The following CDH13 variants were observed in gnomAD, a reference collection of about 807,000 sequenced individuals.
CDH13 encodes cadherin-13.
Under a neutral mutation model 63.8 loss-of-function variants are expected in CDH13, and 24 were observed. The ratio of observed to expected loss-of-function variants is 0.38; its 90% CI spans 0.27 to 0.53. The LOEUF is 0.53. Among genes scored for constraint, CDH13 ranks in the 20% least tolerant of loss-of-function variants. The pLI is 0.85. For missense variants in CDH13, 1,049 were observed against 903.1 expected, an observed-to-expected ratio of 1.16 and a Z score of -2.07; for synonymous variants, 503 against 355.3, an observed-to-expected ratio of 1.42 and a Z score of -4.67.
chr16:82,770,324 A>T (rs1470867124), intron 1 of CDH13, among the ~76,000 whole-genome samples: 2 of 152,246 alleles, frequency 1.3e-5, no homozygotes, highest in Admixed American at 1.3e-4. Context: ...TTATAAAAGT[A>T]ATTCTCCTTA....
chr16:82,779,948 C>G (rs1324332534), intron 1 of CDH13, among the ~76,000 whole-genome samples: 2 of 152,172 alleles, frequency 1.3e-5, no homozygotes, highest in Non-Finnish European at 2.9e-5. Flanking sequence ...TATCATGTTA[C>G]TGCATCTTAC....
intron 4 of CDH13, among the ~76,000 whole-genome samples, chr16:83,153,635 C>A (rs1328303882): frequency 1.3e-5 from 2 of 152,190 alleles, no homozygotes; most frequent in Non-Finnish European, 2.9e-5. Flanking sequence ...TTAAGTTGGA[C>A]TGTTTTCACT....
intron 1 of CDH13, among the ~76,000 whole-genome samples, chr16:82,839,126 G>C (rs961524052): frequency 6.6e-6 from 1 of 152,224 alleles, no homozygotes; most frequent in Non-Finnish European, 1.5e-5. Context: ...GGTTTAGCCA[G>C]TGGAGGATTG....
rs115582669 is a variant in CDH13, at chr16:83,251,693, C to G, written c.636+34196C>G. 3.5e-3 allele frequency among the ~76,000 whole-genome samples: 534 copies of G among 152,342 alleles called. 4 individuals are homozygous for G. The highest frequency in any genetic ancestry group is 0.012 in the African/African-American group (502 of 41,578). On this transcript the variant is annotated intron_variant, in intron 5 of 13. Transcript: ENST00000567109. ...AGGCCTTCGTTGACAAGCCAAGCCT[C>G]TGACATCTGAATAGCTACGCTGAGA...
intron 1 of CDH13, among the ~76,000 whole-genome samples, chr16:82,718,891 G>A (rs145916538): frequency 4.9e-4 from 75 of 152,260 alleles, no homozygotes; most frequent in Middle Eastern, 3.4e-3. Context: ...CATATCAAGT[G>A]TCCAGAGTGA....
chr16:82,791,305 CG>C (rs1478971239), intron 1 of CDH13, among the ~76,000 whole-genome samples: 1 of 151,166 alleles, frequency 6.6e-6, no homozygotes, highest in Non-Finnish European at 1.5e-5. Flanking sequence ...CTTTTAAACA[CG>C]GGGCTTGTAA....
intron 1 of CDH13, among the ~76,000 whole-genome samples, chr16:82,846,896 T>A (rs2039280807): frequency 1.3e-5 from 2 of 151,998 alleles, no homozygotes; most frequent in Non-Finnish European, 2.9e-5. Flanking sequence ...TAGCAAAAAA[T>A]AAAATAAAAC....
intron 1 of CDH13, among the ~76,000 whole-genome samples, chr16:82,714,601 C>G (rs750365030): frequency 1.7e-4 from 25 of 149,284 alleles, no homozygotes; most frequent in Admixed American, 8.1e-4. Flanking sequence ...GTAGTTTCAG[C>G]TACTCAGGAG....
chr16:83,720,572 G>A (rs1461557224), intron 10 of CDH13, among the ~76,000 whole-genome samples: 6 of 151,852 alleles, frequency 4.0e-5, no homozygotes, highest in Admixed American at 1.3e-4. Flanking sequence ...GTGAGACCCC[G>A]TCTCTGTCTT....
chr16:83,271,367 A>G (rs11639558), intron 5 of CDH13, among the ~76,000 whole-genome samples: 85,604 of 134,302 alleles, frequency 0.64, 27,145 homozygotes, highest in East Asian at 0.78. Flanking sequence ...GCCACCAGCA[A>G]CATTCTTGTG....
At chr16:82,646,353 C>A (rs1910090840) in intron 1 of CDH13, 1 of 152,154 alleles carries the variant, frequency 6.6e-6, no homozygotes, top group South Asian at 2.1e-4. Flanking sequence ...TCAGGCCCAG[C>A]TAATTTTTTT....
chr16:83,240,596 G>A (rs1422102667), intron 5 of CDH13, among the ~76,000 whole-genome samples: 1 of 149,986 alleles, frequency 6.7e-6, no homozygotes, highest in East Asian at 2.0e-4. Context: ...TACTGGATTA[G>A]GTGCAGTATG....
chr16:83,327,365 G>C (rs185556246), intron 5 of CDH13, among the ~76,000 whole-genome samples: 2 of 152,270 alleles, frequency 1.3e-5, no homozygotes, highest in African/African-American at 4.8e-5. Context: ...TTGTCTTTTG[G>C]CTGGGTTCAT....
At chr16:83,724,319 A>C (rs2911022) in intron 10 of CDH13, among the ~76,000 whole-genome samples, 146,000 of 147,390 alleles carry the variant, frequency 0.99, 72,305 homozygotes, top group Admixed American at 0.99. Flanking sequence ...GTGATGAATG[A>C]ATGGATGAGT....
intron 8 of CDH13, among the ~76,000 whole-genome samples, chr16:83,618,435 GA>G (rs1395424381): frequency 2.7e-5 from 4 of 148,008 alleles, no homozygotes; most frequent in African/African-American, 9.9e-5. Context: ...AAAAAAAAAA[GA>G]AAAAGAAAAG....
Position 83,493,372 on chromosome 16 carries a change from T to A in CDH13, c.960+6717T>A, listed in dbSNP as rs141027336. Among the ~76,000 whole-genome samples, 92 of 152,330 alleles carry A rather than the reference T, an allele frequency of 6.0e-4. 1 individual carries two copies. In the East Asian group the frequency reaches 0.017, roughly 29 times the overall value. ...GCCTACAAAATTCAGCAATAAAAGC[T>A]AGTAAATAAGTATTGAGCACCACAA... On this transcript the variant is annotated intron_variant, in intron 7 of 13. Transcript: ENST00000567109.
chr16:82,677,850 A>G (rs1226825658), intron 1 of CDH13, among the ~76,000 whole-genome samples: 1 of 152,094 alleles, frequency 6.6e-6, no homozygotes, highest in Non-Finnish European at 1.5e-5. Flanking sequence ...CCTGTCTTTA[A>G]GTTTCTAATC....
intron 7 of CDH13, among the ~76,000 whole-genome samples, chr16:83,522,506 A>C (rs2074864450): frequency 6.6e-6 from 1 of 151,998 alleles, no homozygotes; most frequent in African/African-American, 2.4e-5. Flanking sequence ...GAAGCTGGTA[A>C]TACTTCATTT....
At chr16:83,155,027 A>G (rs1349956064) in intron 4 of CDH13, among the ~76,000 whole-genome samples, 1 of 152,246 alleles carries the variant, frequency 6.6e-6, no homozygotes, top group Non-Finnish European at 1.5e-5. Context: ...TCTCATTTGG[A>G]AAATAAGATG....
Sources: allele counts gnomAD v4.1 joint callset (sites outside exome capture counted in the v4.1 genomes callset), GRCh38; gene constraint gnomAD v4.1.1; transcripts MANE v1.5; gene names NCBI Gene and HGNC (gene_info 2026-07-23, HGNC 2026-07-21).